The following EXT2 variants were observed in gnomAD, a reference collection of about 807,000 sequenced individuals.
EXT2 encodes exostosin-2.
A neutral mutation model predicts 81.6 loss-of-function variants in EXT2; 53 were observed. The ratio of observed to expected loss-of-function variants is 0.65; its 90% CI spans 0.52 to 0.82. The LOEUF (loss-of-function observed/expected upper bound fraction) is 0.82, where lower values mean the gene tolerates loss of function less well. EXT2 is among the 40% of genes least tolerant of loss of function. EXT2 has a pLI of 0.00. For missense variants in EXT2, 774 were observed against 910.2 expected, an observed-to-expected ratio of 0.85 and a Z score of 1.93; for synonymous variants, 320 against 340.0, an observed-to-expected ratio of 0.94 and a Z score of 0.65.
rs1956090607 is a variant in EXT2, at chr11:44,246,030, C to T, written c.*1743C>T. Among the ~76,000 whole-genome samples the T allele has an allele frequency of 6.6e-6, 1 of 152,098 alleles. No homozygotes were observed. Among genetic ancestry groups the T allele is most frequent in the Non-Finnish European group, 1.5e-5 (1 of 68,028 alleles). On this transcript the variant is annotated 3_prime_UTR_variant, in exon 14 of 14. Coordinates refer to ENST00000533608, the MANE Select transcript of EXT2 (RefSeq NM_207122.2). ...TTTGATTTGGGTAATGTGTACTGGT[C>T]AGTAGGAGACATGGGAAAGCATTTT...
intron 10 of EXT2, among the ~76,000 whole-genome samples, chr11:44,224,341 G>A (rs1955815788): frequency 1.3e-5 from 2 of 151,716 alleles, no homozygotes; most frequent in African/African-American, 4.8e-5. Flanking sequence ...TATATCTGGA[G>A]ATCTATCTAT....
At chr11:44,240,870 C>T (rs1356295156) in intron 13 of EXT2, among the ~76,000 whole-genome samples, 3 of 152,194 alleles carry the variant, frequency 2.0e-5, no homozygotes, top group Admixed American at 2.0e-4. Flanking sequence ...CCTTCCTCTT[C>T]CCTCCCCCTG....
chr11:44,156,095 T>A (rs1030850412), intron 7 of EXT2, among the ~76,000 whole-genome samples: 1 of 152,208 alleles, frequency 6.6e-6, no homozygotes, highest in African/African-American at 2.4e-5. Context: ...TGCTGCCAGA[T>A]GTATTTGAGC....
intron 6 of EXT2, 109 bp downstream of exon 6, chr11:44,127,064 T>TA: frequency 7.1e-7 from 1 of 1,409,914 alleles, no homozygotes; most frequent in South Asian, 1.2e-5. Context: ...CTACTACAGA[T>TA]AGTTTTTCTC....
intron 7 of EXT2, among the ~76,000 whole-genome samples, chr11:44,156,649 T>C (rs1363544617): frequency 6.6e-6 from 1 of 152,242 alleles, no homozygotes; most frequent in Admixed American, 6.5e-5. Flanking sequence ...TCCTCAAGCT[T>C]CCTCAAAAGA....
intron 1 of EXT2, among the ~76,000 whole-genome samples, 187 bp from the exon 2 acceptor site, chr11:44,107,496 T>C (rs931200205): frequency 6.6e-6 from 1 of 152,010 alleles, no homozygotes; most frequent in African/African-American, 2.4e-5. Context: ...AGTGGGAGGA[T>C]TGCTTGAGCC....
intron 8 of EXT2, among the ~76,000 whole-genome samples, chr11:44,191,162 C>T (rs1446267763): frequency 6.6e-6 from 1 of 152,180 alleles, no homozygotes; most frequent in Non-Finnish European, 1.5e-5. Context: ...TGACAGTTCT[C>T]GTGGCTGTTA....
intron 8 of EXT2, among the ~76,000 whole-genome samples, chr11:44,192,942 T>C (rs1484160205): frequency 6.6e-6 from 1 of 152,200 alleles, no homozygotes; most frequent in Non-Finnish European, 1.5e-5. Flanking sequence ...TATCTATACA[T>C]AAGGGGGACT....
At chr11:44,212,206 A>G (rs542824009) in intron 10 of EXT2, among the ~76,000 whole-genome samples, 2 of 151,974 alleles carry the variant, frequency 1.3e-5, no homozygotes, top group Non-Finnish European at 2.9e-5. Flanking sequence ...AATCACATGA[A>G]TCTGGGAGGC....
At chr11:44,207,148 A>G (rs1955593342) in intron 10 of EXT2, among the ~76,000 whole-genome samples, 189 bp downstream of exon 10, 1 of 152,238 alleles carries the variant, frequency 6.6e-6, no homozygotes, top group Non-Finnish European at 1.5e-5. Context: ...GAGAAACCCT[A>G]TTCCAAAATG....
At chr11:44,190,649 A>T (rs1955379687) in intron 8 of EXT2, among the ~76,000 whole-genome samples, 1 of 152,212 alleles carries the variant, frequency 6.6e-6, no homozygotes, top group South Asian at 2.1e-4. Context: ...TTGCAGCTTG[A>T]TTTCTTCAGT....
At chr11:44,229,854 A>C (rs963150233) in intron 10 of EXT2, among the ~76,000 whole-genome samples, 1 of 152,226 alleles carries the variant, frequency 6.6e-6, no homozygotes, top group Non-Finnish European at 1.5e-5. Flanking sequence ...GATTCTGCCC[A>C]TTCGTGTGTT....
intron 1 of EXT2, among the ~76,000 whole-genome samples, chr11:44,101,339 C>T (rs1448307090): frequency 6.6e-6 from 1 of 152,128 alleles, no homozygotes; most frequent in Non-Finnish European, 1.5e-5. Context: ...CTGATTTTGC[C>T]TCCCCAAGGG....
At chr11:44,114,402 C>T in intron 4 of EXT2, 101 bp downstream of exon 4, 1 of 1,040,996 alleles carries the variant, frequency 9.6e-7, no homozygotes. Context: ...ACATCAGTTA[C>T]AGGGTAGGGT....
chr11:44,124,683 A>G, intron 4 of EXT2, 106 bp from the exon 5 acceptor site: 1 of 837,838 alleles, frequency 1.2e-6, no homozygotes, highest in Non-Finnish European at 2.0e-6. Context: ...GGAGGTGAAG[A>G]CTGGTAAGGA....
intron 3 of EXT2, among the ~76,000 whole-genome samples, chr11:44,113,526 G>C (rs935831646): frequency 6.6e-6 from 1 of 152,196 alleles, no homozygotes; most frequent in Non-Finnish European, 1.5e-5. Context: ...CAAGCAAACT[G>C]CAAGAGAAGC....
At chr11:44,235,480 A>T (rs937447330) in intron 12 of EXT2, among the ~76,000 whole-genome samples, 6 of 151,936 alleles carry the variant, frequency 3.9e-5, no homozygotes, top group Non-Finnish European at 7.4e-5. Flanking sequence ...TCCTGAGCTC[A>T]GGCAGTCCAC....
chr11:44,193,738 C>A (rs370304875), intron 8 of EXT2, among the ~76,000 whole-genome samples: 2 of 152,142 alleles, frequency 1.3e-5, no homozygotes, highest in Non-Finnish European at 2.9e-5. Flanking sequence ...TTTTAAGGGA[C>A]GGTATTGGCA....
In EXT2 at chr11:44,245,851, T is replaced by C. The variant is rs1252250946; in HGVS notation, c.*1564T>C. On this transcript the variant is annotated 3_prime_UTR_variant, in exon 14 of 14. Coordinates refer to ENST00000533608, the MANE Select transcript of EXT2 (RefSeq NM_207122.2). ...GAATAAGTGATCGAATCATGGACTA[T>C]TATTGCCAAAGGGGGCAAGCGATCA... Among the ~76,000 whole-genome samples, 1 of 152,262 alleles carries C rather than the reference T, an allele frequency of 6.6e-6. No individual in the cohort carries two copies. Among genetic ancestry groups the C allele is most frequent in the East Asian group, 1.9e-4 (1 of 5,202 alleles).
Sources: gnomAD v4.1 joint callset for allele counts (sites outside exome capture counted in the v4.1 genomes callset) on GRCh38, gnomAD v4.1.1 for gene constraint, MANE v1.5 for transcripts, NCBI Gene and HGNC (gene_info 2026-07-23, HGNC 2026-07-21) for gene names.